MTHFD1L: variants seen among roughly 807,000 people sequenced by gnomAD.
MTHFD1L encodes the protein methylenetetrahydrofolate dehydrogenase (NADP+ dependent) 1 like, also known as monofunctional C1-tetrahydrofolate synthase, mitochondrial.
A neutral mutation model predicts 119.5 loss-of-function variants in MTHFD1L; 81 were observed. The observed-to-expected ratio is 0.68, with a 90% confidence interval of 0.57 to 0.82. MTHFD1L has a LOEUF of 0.82. MTHFD1L is among the 40% of genes least tolerant of loss of function. The pLI is 0.00. For synonymous variants in MTHFD1L, 430 were observed against 475.2 expected, an observed-to-expected ratio of 0.90 and a Z score of 1.24; for missense variants, 1,125 against 1,253.4, an observed-to-expected ratio of 0.90 and a Z score of 1.55.
At chr6:151,022,319 G>A (rs1305281627) in intron 24 of MTHFD1L, 1 of 235,928 alleles carries the variant, frequency 4.2e-6, no homozygotes, top group Admixed American at 4.9e-5. Flanking sequence ...CATGGACTTG[G>A]AGCATTTGCA....
intron 26 of MTHFD1L, among the ~76,000 whole-genome samples, chr6:151,063,348 A>C (rs144685643): frequency 1.7e-4 from 26 of 152,248 alleles, no homozygotes; most frequent in African/African-American, 6.3e-4. Flanking sequence ...CTCTCTATAT[A>C]TATTAAAAGA....
intron 8 of MTHFD1L, among the ~76,000 whole-genome samples, chr6:150,911,548 TTGGAAGGCCTTC>T (rs1786881211): frequency 6.6e-6 from 1 of 152,118 alleles, no homozygotes; most frequent in Non-Finnish European, 1.5e-5. Flanking sequence ...TGGCATTTGC[TTGGAAGGCCTTC>T]TGGAAGGCCT....
chr6:151,019,706 T>A (rs1210170225), intron 24 of MTHFD1L, among the ~76,000 whole-genome samples: 5 of 152,170 alleles, frequency 3.3e-5, no homozygotes, highest in African/African-American at 9.6e-5. Context: ...TGAAAAGAGC[T>A]GCTGCTGCTG....
intron 9 of MTHFD1L, among the ~76,000 whole-genome samples, chr6:150,920,479 C>T (rs1047984601): frequency 6.6e-6 from 1 of 152,130 alleles, no homozygotes; most frequent in Non-Finnish European, 1.5e-5. Flanking sequence ...GGTCATTAGA[C>T]ATTTTTGTAA....
chr6:150,952,185 A>G (rs1265237339), intron 16 of MTHFD1L, among the ~76,000 whole-genome samples: 1 of 152,214 alleles, frequency 6.6e-6, no homozygotes, highest in Non-Finnish European at 1.5e-5. Context: ...ATTATTGTTC[A>G]GGGCACTGAA....
Position 150,938,761 on chromosome 6 carries a change from G to T in MTHFD1L, c.1440+16G>T. ...CATGGAGGAGGTAAGACCTTGAAGA[G>T]ATGCGGGTCAGCTATCACTGTGTTT... On this transcript the variant is annotated intron_variant, in intron 13 of 27. Coordinates refer to ENST00000367321, the MANE Select transcript of MTHFD1L (RefSeq NM_015440.5). 6.2e-7 allele frequency: 1 copy of T among 1,600,990 alleles called. No homozygotes were observed. Among genetic ancestry groups the T allele is most frequent in the Non-Finnish European group, 8.5e-7 (1 of 1,173,714 alleles).
chr6:151,022,081 C>T (rs1041729016), intron 24 of MTHFD1L: 14 of 470,890 alleles, frequency 3.0e-5, no homozygotes, highest in Admixed American at 7.0e-5. Flanking sequence ...AAACAAACCA[C>T]GAAGACAGCC....
chr6:150,890,119 G>T (rs1386822093), intron 7 of MTHFD1L, among the ~76,000 whole-genome samples: 3 of 151,992 alleles, frequency 2.0e-5, no homozygotes, highest in African/African-American at 7.3e-5. Context: ...TCACACCATT[G>T]TACTCCAGCC....
chr6:150,994,110 A>G (rs889947990), intron 20 of MTHFD1L, among the ~76,000 whole-genome samples: 1 of 147,320 alleles, frequency 6.8e-6, no homozygotes, highest in African/African-American at 2.7e-5. Context: ...ACCCAGCACT[A>G]TAATACAAGT....
At chr6:151,066,995 ATT>A (rs36035374) in intron 26 of MTHFD1L, among the ~76,000 whole-genome samples, 114 of 138,528 alleles carry the variant, frequency 8.2e-4, no homozygotes, top group Middle Eastern at 3.7e-3. Flanking sequence ...TATCAATTTG[ATT>A]TTTTTTTTTT....
intron 20 of MTHFD1L, among the ~76,000 whole-genome samples, chr6:150,998,881 T>C (rs1458168131): frequency 6.6e-6 from 1 of 150,850 alleles, no homozygotes; most frequent in Non-Finnish European, 1.5e-5. Context: ...TCCCAGCTAT[T>C]TGGGAGGCTG....
chr6:151,014,946 G>A lies in MTHFD1L; in HGVS notation c.2374G>A (p.Gly792Arg). The change falls in exon 23 of 28, where the codon GGG (glycine) becomes AGG (arginine). Residue 792 changes from glycine (G) to arginine (R), a missense_variant. Transcript: ENST00000367321. The part of the protein sequence containing the change: ...QKQIQITQLF[G>R]VPVVVALNVF... The stretch of plus-strand genomic sequence containing the variant: ...GCAAATTCAGATCACTCAGCTCTTT[G>A]GGGTTCCCGTTGTGGTGGCTCTGAA... 6.2e-7 allele frequency: 1 copy of A among 1,613,978 alleles called. No homozygotes were observed. Among genetic ancestry groups the A allele is most frequent in the Admixed American group, 1.7e-5 (1 of 60,004 alleles).
At chr6:150,894,232 G>T (rs1783836764) in intron 7 of MTHFD1L, among the ~76,000 whole-genome samples, 1 of 152,132 alleles carries the variant, frequency 6.6e-6, no homozygotes, top group South Asian at 2.1e-4. Context: ...TGGAGGAAGA[G>T]AAATATATGG....
intron 6 of MTHFD1L, among the ~76,000 whole-genome samples, chr6:150,887,553 T>C (rs6927008): frequency 0.013 from 1,963 of 152,292 alleles, 41 homozygotes; most frequent in African/African-American, 0.045. Flanking sequence ...CCTCCCAGGT[T>C]CAAGTGATTT....
intron 11 of MTHFD1L, among the ~76,000 whole-genome samples, chr6:150,929,786 A>T (rs369272025): frequency 6.6e-6 from 1 of 152,274 alleles, no homozygotes; most frequent in South Asian, 2.1e-4. Context: ...CCAAGGGATC[A>T]ACAATTCTTT....
intron 26 of MTHFD1L, among the ~76,000 whole-genome samples, chr6:151,070,844 A>C (rs1308853650): frequency 1.3e-5 from 2 of 152,218 alleles, no homozygotes; most frequent in African/African-American, 4.8e-5. Flanking sequence ...CCTTTTCCTC[A>C]TTGGGAACTA....
intron 26 of MTHFD1L, 71 bp downstream of exon 26, chr6:151,037,188 C>A (rs952294387): frequency 3.3e-6 from 5 of 1,535,044 alleles, no homozygotes; most frequent in Non-Finnish European, 4.5e-6. Flanking sequence ...CGTTATGCTC[C>A]GCCCGCTCTT....
chr6:151,012,805 G>A (rs1782495556), intron 21 of MTHFD1L, among the ~76,000 whole-genome samples: 1 of 152,138 alleles, frequency 6.6e-6, no homozygotes, highest in Non-Finnish European at 1.5e-5. Context: ...CTGTGGGCTG[G>A]CAAGCTGAAG....
rs1388825258 is a variant in MTHFD1L at position 150,926,968 on chromosome 6, T to C, written c.1256+673T>C. Among the ~76,000 whole-genome samples the C allele has an allele frequency of 6.6e-6, 1 of 152,222 alleles. No homozygotes were observed. Among genetic ancestry groups the C allele is most frequent in the Non-Finnish European group, 1.5e-5 (1 of 68,034 alleles). Reference sequence around the variant, plus strand: ...TTCAGTGTGACCTGAGGGAACATCATGAGACCATATAAATTCCTTTGCTGC... The same window carrying C: ...TTCAGTGTGACCTGAGGGAACATCACGAGACCATATAAATTCCTTTGCTGC... On this transcript the variant is annotated intron_variant, in intron 11 of 27. Coordinates refer to ENST00000367321, the MANE Select transcript of MTHFD1L (RefSeq NM_015440.5). The surrounding 1 kb of genome is among the most constrained non-coding windows in gnomAD (Gnocchi z 4.3).
Sources: allele counts gnomAD v4.1 joint callset (sites outside exome capture counted in the v4.1 genomes callset), GRCh38; gene constraint gnomAD v4.1.1; non-coding constraint Gnocchi (gnomAD v3.1); transcripts MANE v1.5; gene names NCBI Gene and HGNC (gene_info 2026-07-23, HGNC 2026-07-21).